Variants in TSPEAR observed in about 807,000 individuals in gnomAD.
TSPEAR encodes the protein thrombospondin type laminin G domain and EAR repeats.
A neutral mutation model predicts 71.6 loss-of-function variants in TSPEAR; 69 were observed. The ratio of observed to expected loss-of-function variants is 0.96; its 90% confidence interval spans 0.79 to 1.18. The LOEUF is 1.18. Ranked by LOEUF, TSPEAR falls within the 50% of genes most tolerant of loss-of-function variation. The pLI is 0.00. For synonymous variants in TSPEAR, 402 were observed against 387.2 expected, an observed-to-expected ratio of 1.04 and a Z score of -0.45; for missense variants, 971 against 894.9, an observed-to-expected ratio of 1.09 and a Z score of -1.09.
intron 1 of TSPEAR, among the ~76,000 whole-genome samples, chr21:44,617,428 C>A (rs2146186939): frequency 6.6e-6 from 1 of 152,314 alleles, no homozygotes; most frequent in East Asian, 1.9e-4. Flanking sequence ...GGGCGGAGGG[C>A]CCCAATGGCA....
chr21:44,545,829 C>A (rs1422020370), intron 2 of TSPEAR, among the ~76,000 whole-genome samples: 4 of 152,028 alleles, frequency 2.6e-5, no homozygotes, highest in African/African-American at 9.7e-5. Flanking sequence ...AATCATTAAT[C>A]TAACTTTATA....
intron 9 of TSPEAR, among the ~76,000 whole-genome samples, chr21:44,511,356 C>T (rs2052371650): frequency 1.3e-5 from 2 of 151,454 alleles, no homozygotes; most frequent in Non-Finnish European, 1.5e-5. Context: ...TGCATATGCA[C>T]TGTGTACACA....
intron 1 of TSPEAR, among the ~76,000 whole-genome samples, chr21:44,619,381 AGCCT>A (rs1569223215): frequency 1.3e-5 from 2 of 152,254 alleles, no homozygotes; most frequent in Non-Finnish European, 2.9e-5. Flanking sequence ...GAGGGAGGAG[AGCCT>A]GATACCCAGA....
At chr21:44,648,413 C>T (rs1157002738) in intron 1 of TSPEAR, among the ~76,000 whole-genome samples, 2 of 152,194 alleles carry the variant, frequency 1.3e-5, no homozygotes, top group Non-Finnish European at 2.9e-5. Flanking sequence ...AATTTAAACC[C>T]ACGTGGACTC....
chr21:44,638,896 A>AC (rs1983848749), intron 1 of TSPEAR, among the ~76,000 whole-genome samples: 1 of 151,472 alleles, frequency 6.6e-6, no homozygotes, highest in African/African-American at 2.4e-5. Context: ...CCCTCCTGTT[A>AC]CCCCTGGGGA....
chr21:44,617,319 T>C (rs1555932705), intron 1 of TSPEAR, among the ~76,000 whole-genome samples: 1 of 152,240 alleles, frequency 6.6e-6, no homozygotes, highest in Non-Finnish European at 1.5e-5. Context: ...CGCTCACAGA[T>C]GCTCAGGGGC....
At chr21:44,601,040 G>A in intron 1 of TSPEAR, 1 of 1,612,596 alleles carries the variant, frequency 6.2e-7, no homozygotes, top group Non-Finnish European at 8.5e-7. Context: ...CAGCAGTCTA[G>A]CTGCCAGTCA....
rs562591941 is a variant in TSPEAR, at chr21:44,685,230, T to G, written c.82+26203A>C. On this transcript the variant is annotated intron_variant, in intron 1 of 11. Transcript: ENST00000323084. ...GCAGAGGGTGCCCCTGGGAGCTGCC[T>G]GGGATGGAGGGAGTAGCTCTGCCGT... Among the ~76,000 whole-genome samples the G allele has an allele frequency of 3.3e-5, 5 of 152,252 alleles. No individual in the cohort carries two copies. The East Asian group carries it at 9.6e-4, about 29-fold the overall frequency.
chr21:44,566,585 G>A (rs2053706250), intron 2 of TSPEAR, among the ~76,000 whole-genome samples: 1 of 152,098 alleles, frequency 6.6e-6, no homozygotes. Context: ...ATGACTCATA[G>A]TTCCCAATTT....
chr21:44,511,369 C>G (rs911728527), intron 9 of TSPEAR, among the ~76,000 whole-genome samples: 2 of 150,280 alleles, frequency 1.3e-5, no homozygotes, highest in African/African-American at 5.0e-5. Context: ...TGTACACACA[C>G]ACATATATGC....
At chr21:44,561,328 A>T (rs2053629182) in intron 2 of TSPEAR, among the ~76,000 whole-genome samples, 1 of 152,226 alleles carries the variant, frequency 6.6e-6, no homozygotes, top group Non-Finnish European at 1.5e-5. Flanking sequence ...TCTGAAATTG[A>T]GGCAGTAATT....
chr21:44,557,871 TG>T, intron 2 of TSPEAR: 1 of 730,620 alleles, frequency 1.4e-6, no homozygotes, highest in Non-Finnish European at 2.2e-6. Context: ...CTGGCCAGCA[TG>T]GAGATGAGGG....
intron 1 of TSPEAR, among the ~76,000 whole-genome samples, chr21:44,672,308 C>T (rs1024957758): frequency 3.9e-5 from 6 of 152,222 alleles, no homozygotes; most frequent in South Asian, 4.1e-4. Flanking sequence ...CAGTGGCTCA[C>T]GCCTGTAATC....
chr21:44,558,602 G>A, intron 2 of TSPEAR: 1 of 1,611,808 alleles, frequency 6.2e-7, no homozygotes, highest in Non-Finnish European at 8.5e-7. Context: ...AGGGGGCCGG[G>A]GCGCAGCAGC....
At chr21:44,533,580 C>T in intron 3 of TSPEAR, 105 bp downstream of exon 3, 1 of 996,344 alleles carries the variant, frequency 1.0e-6, no homozygotes, top group Non-Finnish European at 1.5e-6. Flanking sequence ...AGCTCCTGCC[C>T]CAGGACAGCT....
At chr21:44,634,058 A>T (rs1983404528) in intron 1 of TSPEAR, among the ~76,000 whole-genome samples, 1 of 152,176 alleles carries the variant, frequency 6.6e-6, no homozygotes, top group African/African-American at 2.4e-5. Flanking sequence ...CAGCCTGGGT[A>T]ACAGAGTAAG....
At chr21:44,522,182 C>G in intron 8 of TSPEAR, 70 bp from the exon 9 acceptor site, 1 of 1,473,266 alleles carries the variant, frequency 6.8e-7, no homozygotes, top group Non-Finnish European at 9.5e-7. Flanking sequence ...CCGACGGAGG[C>G]AGAGCCCAGT....
intron 2 of TSPEAR, chr21:44,558,127 G>A (rs1232359005): frequency 1.9e-6 from 3 of 1,613,008 alleles, no homozygotes; most frequent in East Asian, 4.5e-5. Flanking sequence ...CGGCAGAGGA[G>A]GGACACGCAG....
intron 1 of TSPEAR, among the ~76,000 whole-genome samples, chr21:44,649,026 G>A (rs1477166182): frequency 6.6e-6 from 1 of 152,240 alleles, no homozygotes; most frequent in East Asian, 1.9e-4. Context: ...GTCTGTGAGG[G>A]AGATGCGGGA....
Sources: allele counts gnomAD v4.1 joint callset (sites outside exome capture counted in the v4.1 genomes callset), GRCh38; gene constraint gnomAD v4.1.1; transcripts MANE v1.5; gene names NCBI Gene and HGNC (gene_info 2026-07-23, HGNC 2026-07-21).